POLR3B: variants seen among roughly 807,000 people sequenced by gnomAD.
POLR3B encodes RNA polymerase III subunit B.
Under a neutral mutation model 147.4 loss-of-function variants are expected in POLR3B, and 96 were observed. That is an observed-to-expected ratio of 0.65 (90% CI 0.55 to 0.77). The LOEUF is 0.77. POLR3B is among the 30% of genes least tolerant of loss of function. POLR3B has a pLI of 0.00. For missense variants in POLR3B, 1,036 were observed against 1,413.5 expected, an observed-to-expected ratio of 0.73 and a Z score of 4.28; for synonymous variants, 461 against 485.9, an observed-to-expected ratio of 0.95 and a Z score of 0.67.
intron 12 of POLR3B, among the ~76,000 whole-genome samples, chr12:106,420,896 C>A (rs1008813819): frequency 5.9e-5 from 9 of 152,160 alleles, no homozygotes; most frequent in African/African-American, 2.2e-4. Flanking sequence ...CTACTCCATT[C>A]TTCATTTTCC....
At position 106,405,883 on chromosome 12, in the gene POLR3B, A is replaced by G; in HGVS notation, c.873A>G (p.Val291=). The change falls in exon 11 of 28, where the codon GTA becomes GTG. Residue 291 remains valine (V), a synonymous_variant. Coordinates refer to ENST00000228347, the MANE Select transcript of POLR3B (RefSeq NM_018082.6). ...CATTAAAATATATAGGGAACAAAGT[A>G]AGAAGGCAAAGGATGTGGGGAGGTG... ...MQALKYIGNK[V]RRQRMWGGGP... The G allele has an allele frequency of 1.2e-6, 2 of 1,613,106 alleles. No individual in the cohort carries two copies. Among genetic ancestry groups the G allele is most frequent in the Non-Finnish European group, 1.7e-6 (2 of 1,179,140 alleles).
Position 106,457,071 on chromosome 12 carries a change from CAA to C in POLR3B, c.2294-65_2294-64del, listed in dbSNP as rs1420922844. On this transcript the variant is annotated intron_variant, in intron 20 of 27. Coordinates refer to ENST00000228347, the MANE Select transcript of POLR3B (RefSeq NM_018082.6). ...AGGTGGAGTGGATTGTTGAGTAGCA[CAA>C]ATCCATATTTCCTTATAGCTTTGGG... The C allele has an allele frequency of 3.0e-5, 41 of 1,372,602 alleles. 1 individual carries two copies. Among genetic ancestry groups the C allele is most frequent in the Non-Finnish European group, 4.3e-5 (41 of 960,972 alleles). 85.0% of individuals were successfully genotyped at this position (1,372,602 alleles called of 1,614,324 possible).
intron 11 of POLR3B, among the ~76,000 whole-genome samples, chr12:106,406,725 A>G (rs2037156587): frequency 6.6e-6 from 1 of 152,144 alleles, no homozygotes; most frequent in African/African-American, 2.4e-5. Context: ...TTATTAATTT[A>G]TTATTAAACA....
chr12:106,389,602 T>TG (rs1022549524), intron 9 of POLR3B, among the ~76,000 whole-genome samples: 24 of 57,432 alleles, frequency 4.2e-4, no homozygotes, highest in Non-Finnish European at 4.0e-4. Context: ...GGATTTCAGG[T>TG]TTTTTTTTTT....
At chr12:106,505,012 C>T (rs543332953) in intron 27 of POLR3B, among the ~76,000 whole-genome samples, 198 of 152,306 alleles carry the variant, frequency 1.3e-3, no homozygotes, top group African/African-American at 4.5e-3. Context: ...TAAAAAAATA[C>T]TGGTTGAATG....
At chr12:106,505,133 GT>G (rs939106775) in intron 27 of POLR3B, among the ~76,000 whole-genome samples, 2 of 152,188 alleles carry the variant, frequency 1.3e-5, no homozygotes, top group Admixed American at 6.5e-5. Flanking sequence ...GATGCTGGAT[GT>G]TTTTTGTTTT....
intron 9 of POLR3B, among the ~76,000 whole-genome samples, chr12:106,390,611 C>A (rs1193364975): frequency 1.4e-5 from 2 of 146,894 alleles, no homozygotes; most frequent in African/African-American, 5.0e-5. Context: ...TTCTAGTATC[C>A]ATTTGATAAA....
intron 6 of POLR3B, among the ~76,000 whole-genome samples, chr12:106,374,198 A>C (rs2243506): frequency 0.22 from 33,495 of 152,022 alleles, 5,202 homozygotes; most frequent in East Asian, 0.71. Context: ...TTGTTGTACC[A>C]AATTTTTGTT....
intron 12 of POLR3B, among the ~76,000 whole-genome samples, chr12:106,426,423 G>T (rs938407673): frequency 1.3e-5 from 2 of 151,946 alleles, no homozygotes; most frequent in Non-Finnish European, 2.9e-5. Flanking sequence ...GCTAATTTTT[G>T]TATTTTTAGT....
At chr12:106,480,673 G>A (rs2038254425) in intron 23 of POLR3B, among the ~76,000 whole-genome samples, 1 of 152,216 alleles carries the variant, frequency 6.6e-6, no homozygotes, top group Non-Finnish European at 1.5e-5. Flanking sequence ...AGGGAATACA[G>A]AGAACTGACA....
intron 23 of POLR3B, among the ~76,000 whole-genome samples, chr12:106,491,725 A>G (rs1248697480): frequency 6.6e-6 from 1 of 152,196 alleles, no homozygotes; most frequent in East Asian, 1.9e-4. Context: ...TATATTTACG[A>G]AGTTTTCAAT....
Position 106,378,402 on chromosome 12 carries a change from G to A in POLR3B, c.614+18G>A. The A allele has an allele frequency of 2.0e-6, 3 of 1,497,940 alleles. No homozygotes were observed. Among genetic ancestry groups the A allele is most frequent in the East Asian group, 2.3e-5 (1 of 44,380 alleles). The allele number at this position is 1,497,940 out of a possible 1,614,324, so 92.8% of individuals were successfully genotyped here. A position where few individuals can be genotyped will look rare whatever the true frequency, so the allele number is the denominator to read the frequency against. ...GTTACCAGGTATGGAAAGCAGAGAT[G>A]GTGTCCTTAAGCAATATTGGTCATT... On this transcript the variant is annotated intron_variant, in intron 8 of 27. Coordinates refer to ENST00000228347, the MANE Select transcript of POLR3B (RefSeq NM_018082.6).
intron 11 of POLR3B, among the ~76,000 whole-genome samples, chr12:106,408,913 A>G (rs1216085239): frequency 6.6e-6 from 1 of 152,182 alleles, no homozygotes; most frequent in Non-Finnish European, 1.5e-5. Flanking sequence ...GGGGAGTGAA[A>G]TGAGTTAGAG....
intron 23 of POLR3B, among the ~76,000 whole-genome samples, chr12:106,473,944 GT>G (rs1328794917): frequency 6.6e-6 from 1 of 150,682 alleles, no homozygotes; most frequent in Non-Finnish European, 1.5e-5. Flanking sequence ...TCCTGTGACA[GT>G]TTTCAAAGGG....
At chr12:106,368,560 C>T (rs1483382777) in intron 4 of POLR3B, among the ~76,000 whole-genome samples, 1 of 152,118 alleles carries the variant, frequency 6.6e-6, no homozygotes, top group East Asian at 1.9e-4. Flanking sequence ...CAATCCTAGA[C>T]TATAAATAAA....
chr12:106,487,883 G>GGGTGA (rs2038361625), intron 23 of POLR3B, among the ~76,000 whole-genome samples: 1 of 152,214 alleles, frequency 6.6e-6, no homozygotes, highest in Admixed American at 6.5e-5. Context: ...TCAATACTGA[G>GGGTGA]TAGTTGGGAA....
At chr12:106,483,572 A>C (rs2137060694) in intron 23 of POLR3B, among the ~76,000 whole-genome samples, 2 of 152,352 alleles carry the variant, frequency 1.3e-5, no homozygotes, top group East Asian at 3.9e-4. Flanking sequence ...AGAATCTTAG[A>C]GTTTGAAAAG....
intron 6 of POLR3B, among the ~76,000 whole-genome samples, chr12:106,374,373 A>G (rs1438618970): frequency 2.5e-4 from 38 of 151,956 alleles, no homozygotes; most frequent in Non-Finnish European, 1.5e-5. Flanking sequence ...GCACCACCAC[A>G]CCTGGCTAAT....
chr12:106,490,143 C>T (rs2038388901), intron 23 of POLR3B, among the ~76,000 whole-genome samples: 1 of 152,092 alleles, frequency 6.6e-6, no homozygotes, highest in Non-Finnish European at 1.5e-5. Context: ...AGTAAATATC[C>T]AACTAAAGCT....
Sources: gnomAD v4.1 joint callset for allele counts (sites outside exome capture counted in the v4.1 genomes callset) on GRCh38, gnomAD v4.1.1 for gene constraint, MANE v1.5 for transcripts, NCBI Gene and HGNC (gene_info 2026-07-23, HGNC 2026-07-21) for gene names.